TTC34: variants seen among roughly 807,000 people sequenced by gnomAD.
TTC34 encodes the protein tetratricopeptide repeat protein 34.
A neutral mutation model predicts 40.7 loss-of-function variants in TTC34; 44 were observed. The ratio of observed to expected loss-of-function variants is 1.08; its 90% CI spans 0.85 to 1.39. The LOEUF is 1.39. Ranked by LOEUF, TTC34 falls within the 40% of genes most tolerant of loss-of-function variation. The probability of loss-of-function intolerance (pLI) is 0.00; values close to 1 mark genes in which losing one functional copy is unlikely to be tolerated. For synonymous variants in TTC34, 422 were observed against 398.6 expected (o/e 1.06, Z -0.70); for missense variants, 884 against 838.0 (o/e 1.05, Z -0.68).
chr1:2,675,542 A>T (rs1639878410), intron 6 of TTC34, among the ~76,000 whole-genome samples: 1 of 133,122 alleles, frequency 7.5e-6, no homozygotes, highest in African/African-American at 2.8e-5. Context: ...CGCACGTGAC[A>T]GCCTGGAAGA....
intron 6 of TTC34, among the ~76,000 whole-genome samples, chr1:2,769,373 A>G (rs1481443412): frequency 1.7e-4 from 3 of 17,982 alleles, no homozygotes; most frequent in Non-Finnish European, 1.8e-4. Flanking sequence ...ACAGCCTGGA[A>G]CAGCACCCCA....
rs186398458 is a variant in TTC34, at chr1:2,800,478, C to T, written c.350G>A (p.Arg117His). The T allele has an allele frequency of 1.1e-3, 420 of 398,574 alleles. 1 individual carries two copies. The highest frequency in any genetic ancestry group is 5.9e-3 in the African/African-American group (288 of 48,754). 24.7% of individuals were successfully genotyped at this position (398,574 alleles called of 1,614,324 possible). A position where few individuals can be genotyped will look rare whatever the true frequency, so the allele number is the denominator to read the frequency against. The stretch of plus-strand genomic sequence containing the variant: ...GCAGCGTTGCACCACTTCTTCGTGA[C>T]GCCCGCGGGCCAGCAGACCTGCCAG... Residue 117 changes from arginine (R) to histidine (H), a missense_variant, in exon 2 of 9, where the codon CGT (arginine) becomes CAT (histidine). Transcript: ENST00000401095.
intron 5 of TTC34, 91 bp from the exon 6 acceptor site, chr1:2,783,866 C>T: frequency 8.0e-7 from 1 of 1,253,198 alleles, no homozygotes; most frequent in Middle Eastern, 2.2e-4. Flanking sequence ...GCAGAGGGTG[C>T]ATGAGCTTCA....
intron 6 of TTC34, among the ~76,000 whole-genome samples, chr1:2,692,668 AC>A (rs1640680600): frequency 1.5e-5 from 1 of 67,600 alleles, no homozygotes; most frequent in Non-Finnish European, 2.7e-5. Flanking sequence ...CCCCACACCC[AC>A]AGGTGAGCTT....
rs894364146 is a variant in TTC34, at chr1:2,691,011, G to A, written c.2227-45448C>T. Among the ~76,000 whole-genome samples the A allele has an allele frequency of 3.9e-4, 32 of 82,444 alleles. 12 individuals are homozygous for A. Among genetic ancestry groups the A allele is most frequent in the Non-Finnish European group, 6.5e-4 (22 of 33,632 alleles). The allele number at this position is 82,444 out of a possible 152,430, so 54.1% of individuals were successfully genotyped here. A position where few individuals can be genotyped will look rare whatever the true frequency, so the allele number is the denominator to read the frequency against. On this transcript the variant is annotated intron_variant, in intron 6 of 8. Coordinates refer to ENST00000401095, the Ensembl canonical transcript of TTC34. ...GGAGAGCATCCGGCAGCCTGGAGCG[G>A]AACCCACACCAACAGGCGAGCATCT...
At chr1:2,683,421 A>G (rs1484818598) in intron 6 of TTC34, among the ~76,000 whole-genome samples, 3 of 112,152 alleles carry the variant, frequency 2.7e-5, no homozygotes, top group East Asian at 2.8e-4. Flanking sequence ...AGCCTGGAAC[A>G]CCACCCTTCA....
At chr1:2,752,924 A>G (rs1641372570) in intron 6 of TTC34, among the ~76,000 whole-genome samples, 1 of 121,998 alleles carries the variant, frequency 8.2e-6, no homozygotes, top group African/African-American at 3.1e-5. Context: ...ATCCTGAAAC[A>G]GCTCCCACAA....
chr1:2,753,017 C>T (rs1194711827), intron 6 of TTC34, among the ~76,000 whole-genome samples: 1 of 106,388 alleles, frequency 9.4e-6, no homozygotes, highest in African/African-American at 4.2e-5. Context: ...ATCCTCACCT[C>T]CAGGTGAGCA....
intron 6 of TTC34, among the ~76,000 whole-genome samples, chr1:2,759,869 AGTAT>A (rs1641636667): frequency 1.0e-4 from 9 of 87,756 alleles, no homozygotes; most frequent in African/African-American, 3.6e-4. Flanking sequence ...AGCCTGGAGT[AGTAT>A]CCTGCACCCT....
At chr1:2,792,306 CT>C (rs1482951341) in intron 2 of TTC34, among the ~76,000 whole-genome samples, 1 of 152,034 alleles carries the variant, frequency 6.6e-6, no homozygotes. Flanking sequence ...AGCCTGGTTC[CT>C]TTATATGATT....
intron 6 of TTC34, among the ~76,000 whole-genome samples, chr1:2,757,617 A>C (rs1641549541): frequency 6.8e-6 from 1 of 146,446 alleles, no homozygotes; most frequent in South Asian, 2.2e-4. Flanking sequence ...GCCAGCCTGG[A>C]ACAGCACCCA....
intron 6 of TTC34, among the ~76,000 whole-genome samples, chr1:2,767,797 G>A (rs1383695283): frequency 6.9e-6 from 1 of 145,086 alleles, no homozygotes; most frequent in Non-Finnish European, 1.5e-5. Flanking sequence ...GCCTGGGGCA[G>A]CACCCACACT....
In TTC34 at chr1:2,641,433, G is replaced by A. The variant is rs895222851; in HGVS notation, c.3175C>T (p.Arg1059Cys). Reference sequence around the variant, plus strand: ...CTGGCCTTCAGTCTCTTCAGGCCACGGTGGTCGGGGTCCACCAGGAGGCCG... The same window carrying A: ...CTGGCCTTCAGTCTCTTCAGGCCACAGTGGTCGGGGTCCACCAGGAGGCCG... Residue 1059 changes from arginine to cysteine, a missense_variant, in exon 9 of 9, where the codon CGT (arginine) becomes TGT (cysteine). Transcript: ENST00000401095. 8 of 1,535,086 alleles carry A rather than the reference G, an allele frequency of 5.2e-6. No homozygotes were observed. Among genetic ancestry groups the A allele is most frequent in the South Asian group, 3.6e-5 (3 of 83,972 alleles).
chr1:2,686,062 C>T (rs1640327922), intron 6 of TTC34, among the ~76,000 whole-genome samples: 3 of 121,842 alleles, frequency 2.5e-5, no homozygotes, highest in African/African-American at 1.1e-4. Context: ...CATCCGACAG[C>T]CTGGAGAAGC....
chr1:2,761,350 A>T (rs1641679239), intron 6 of TTC34, among the ~76,000 whole-genome samples: 2 of 71,188 alleles, frequency 2.8e-5, no homozygotes, highest in Middle Eastern at 5.8e-3. Context: ...GACAGCCTGG[A>T]GCAGCACCCA....
At chr1:2,647,946 A>G (rs1180963679) in intron 6 of TTC34, among the ~76,000 whole-genome samples, 5 of 151,652 alleles carry the variant, frequency 3.3e-5, no homozygotes, top group Non-Finnish European at 5.9e-5. Context: ...CCTGCCTAGT[A>G]AGTTTTTAAT....
chr1:2,799,643 C>T (rs546016025), intron 2 of TTC34, among the ~76,000 whole-genome samples: 14 of 152,266 alleles, frequency 9.2e-5, no homozygotes, highest in African/African-American at 2.9e-4. Context: ...GATCTAGCCC[C>T]ACAGCTGCCA....
At chr1:2,778,096 A>C (rs1643360325) in intron 6 of TTC34, among the ~76,000 whole-genome samples, 1 of 152,144 alleles carries the variant, frequency 6.6e-6, no homozygotes, top group Admixed American at 6.5e-5. Context: ...TGCCAGTGGG[A>C]AACTTGGGGG....
chr1:2,769,756 A>G (rs1641997481), intron 6 of TTC34, among the ~76,000 whole-genome samples: 1 of 148,636 alleles, frequency 6.7e-6, no homozygotes, highest in African/African-American at 2.5e-5. Context: ...CCACACCCCC[A>G]GGTGAGCATC....
Sources: allele counts gnomAD v4.1 joint callset (sites outside exome capture counted in the v4.1 genomes callset), GRCh38; gene constraint gnomAD v4.1.1; transcripts MANE v1.5; gene names NCBI Gene and HGNC (gene_info 2026-07-23, HGNC 2026-07-21).